SEC24A: variants seen among roughly 807,000 people sequenced by gnomAD.
The protein encoded by SEC24A is protein transport protein Sec24A.
SEC24A carries 93 observed loss-of-function variants against 129.4 expected under a neutral mutation model. That is an observed-to-expected ratio of 0.72 (90% CI 0.61 to 0.85). The LOEUF (loss-of-function observed/expected upper bound fraction) is 0.85. Ranked by LOEUF, SEC24A falls within the 40% of genes least tolerant of loss-of-function variation. The probability of loss-of-function intolerance (pLI) is 0.00; values close to 1 mark genes in which losing one functional copy is unlikely to be tolerated. For missense variants in SEC24A, 1,264 were observed against 1,307.4 expected (o/e 0.97, Z 0.51); for synonymous variants, 460 against 467.3 (o/e 0.98, Z 0.20).
intron 17 of SEC24A, among the ~76,000 whole-genome samples, chr5:134,706,262 C>T (rs1045554807): frequency 1.3e-5 from 2 of 152,144 alleles, no homozygotes; most frequent in South Asian, 2.1e-4. Context: ...CCATAAAGAT[C>T]ATTAGACTTA....
chr5:134,699,301 C>CTTTTTTTTTTTTTTTTT (rs1208203003), intron 15 of SEC24A, among the ~76,000 whole-genome samples: 129 of 138,376 alleles, frequency 9.3e-4, no homozygotes, highest in African/African-American at 3.5e-3. Flanking sequence ...CCATTTTATC[C>CTTTTTTTTTTTTTTTTT]TTTTTTTTTT....
chr5:134,681,245 A>G, intron 8 of SEC24A, among the ~76,000 whole-genome samples: 1 of 123,610 alleles, frequency 8.1e-6, no homozygotes, highest in Non-Finnish European at 1.7e-5. Context: ...TAAAAATATA[A>G]AAAAATTAGC....
chr5:134,663,261 G>T (rs1473495062), intron 2 of SEC24A, among the ~76,000 whole-genome samples: 9 of 152,120 alleles, frequency 5.9e-5, no homozygotes, highest in African/African-American at 1.7e-4. Flanking sequence ...TGTATAGACA[G>T]GGTCTTACCC....
intron 19 of SEC24A, among the ~76,000 whole-genome samples, chr5:134,716,363 G>A (rs1252642846): frequency 3.3e-5 from 5 of 151,652 alleles, no homozygotes; most frequent in African/African-American, 7.3e-5. Flanking sequence ...CCAGCTACTC[G>A]GGAGGCTGAG....
At chr5:134,658,821 G>A (rs1284455842) in intron 1 of SEC24A, among the ~76,000 whole-genome samples, 1 of 152,058 alleles carries the variant, frequency 6.6e-6, no homozygotes, top group African/African-American at 2.4e-5. Context: ...GTTTTGTGAT[G>A]ATATCTGTTT....
In SEC24A at chr5:134,661,369, AG is replaced by A; in HGVS notation, c.349del (p.Ala117LeufsTer20). 6.2e-7 allele frequency: 1 copy of A among 1,614,186 alleles called. No individual in the cohort carries two copies. Among genetic ancestry groups the A allele is most frequent in the Non-Finnish European group, 8.5e-7 (1 of 1,180,034 alleles). The stretch of plus-strand genomic sequence containing the variant: ...TGCCATTACCTGCTTCTCAGAACCC[AG>A]CTACTACACCAATGCCTTCTAGTAG... ...RMPLPASQNP[A>X]TTPMPSSSFL... On this transcript the variant is annotated frameshift_variant, in exon 2 of 23. Transcript: ENST00000398844. LOFTEE classifies it high-confidence loss of function.
intron 1 of SEC24A, among the ~76,000 whole-genome samples, chr5:134,655,506 G>A (rs943835768): frequency 3.3e-5 from 5 of 151,906 alleles, no homozygotes; most frequent in African/African-American, 7.2e-5. Context: ...AAAATTAGCC[G>A]GGTGTGGTGG....
chr5:134,692,528 C>T (rs751401386), intron 11 of SEC24A, 74 bp from the exon 12 acceptor site: 6 of 746,070 alleles, frequency 8.0e-6, no homozygotes, highest in Non-Finnish European at 1.4e-5. Context: ...TGGTTAATTG[C>T]ATTAGTGTTA....
At chr5:134,668,658 G>A (rs796921886) in intron 3 of SEC24A, among the ~76,000 whole-genome samples, 14 of 151,846 alleles carry the variant, frequency 9.2e-5, no homozygotes, top group African/African-American at 3.1e-4. Flanking sequence ...CCTGGGAGGC[G>A]GAGGTTGCAG....
At chr5:134,715,211 A>C (rs1752442234) in intron 19 of SEC24A, 50 bp downstream of exon 19, 2 of 1,460,412 alleles carry the variant, frequency 1.4e-6, no homozygotes, top group Non-Finnish European at 1.9e-6. Context: ...AGTAAGCCTA[A>C]TCATAGTCCA....
intron 13 of SEC24A, among the ~76,000 whole-genome samples, chr5:134,695,944 C>CAA (rs34026685): frequency 1.5e-4 from 10 of 67,712 alleles, no homozygotes; most frequent in Admixed American, 3.4e-4. Context: ...GACTCTGTCT[C>CAA]AAAAAAAAAA....
intron 7 of SEC24A, among the ~76,000 whole-genome samples, chr5:134,678,624 A>G (rs1339653019): frequency 9.2e-5 from 14 of 151,774 alleles, no homozygotes; most frequent in African/African-American, 3.1e-4. Flanking sequence ...TCTGTTGCCC[A>G]GGCTGGAGTA....
intron 15 of SEC24A, among the ~76,000 whole-genome samples, chr5:134,700,497 G>A (rs180764733): frequency 1.3e-4 from 19 of 151,694 alleles, no homozygotes; most frequent in Non-Finnish European, 4.4e-5. Flanking sequence ...GGGATTACAG[G>A]TGTGAATCAC....
At chr5:134,673,002 C>T (rs563082112) in intron 4 of SEC24A, among the ~76,000 whole-genome samples, 21 of 150,742 alleles carry the variant, frequency 1.4e-4, no homozygotes, top group African/African-American at 3.7e-4. Context: ...CTTGGTTCCC[C>T]GATTTGCTGG....
At chr5:134,679,471 C>A in intron 7 of SEC24A, 131 bp from the exon 8 acceptor site, 2 of 512,464 alleles carry the variant, frequency 3.9e-6, no homozygotes, top group Non-Finnish European at 6.8e-6. Context: ...AGTTTAGATA[C>A]ATCTTGTACT....
chr5:134,692,831 C>A, intron 12 of SEC24A, 174 bp downstream of exon 12: 1 of 702,150 alleles, frequency 1.4e-6, no homozygotes, highest in South Asian at 1.6e-5. Flanking sequence ...TTGAGCTGAT[C>A]ATTTTTAAGT....
chr5:134,675,001 C>T (rs1346731502), intron 5 of SEC24A, 44 bp from the exon 6 acceptor site: 26 of 1,466,220 alleles, frequency 1.8e-5, no homozygotes, highest in Non-Finnish European at 2.3e-5. Flanking sequence ...CACTTCCCTA[C>T]ACACTTAATA....
chr5:134,681,969 T>C (rs1186931262), intron 8 of SEC24A, among the ~76,000 whole-genome samples: 1 of 152,100 alleles, frequency 6.6e-6, no homozygotes, highest in African/African-American at 2.4e-5. Context: ...AGGCCGGGTG[T>C]GGTGGCTCAC....
intron 22 of SEC24A, among the ~76,000 whole-genome samples, chr5:134,724,178 T>C (rs941885900): frequency 5.3e-5 from 8 of 152,238 alleles, no homozygotes; most frequent in African/African-American, 1.4e-4. Context: ...TTTCTACTTA[T>C]ATGAGTTCAA....
Sources: allele counts gnomAD v4.1 joint callset (sites outside exome capture counted in the v4.1 genomes callset), GRCh38; gene constraint gnomAD v4.1.1; transcripts MANE v1.5; gene names NCBI Gene and HGNC (gene_info 2026-07-23, HGNC 2026-07-21).